The following HK2 variants were observed in gnomAD, a reference collection of about 807,000 sequenced individuals.
The protein encoded by HK2 is hexokinase-2.
HK2 carries 42 observed loss-of-function variants against 92.9 expected under a neutral mutation model. The ratio of observed to expected loss-of-function variants is 0.45; its 90% CI spans 0.35 to 0.58. HK2 has a LOEUF of 0.58. Among genes scored for constraint, HK2 ranks in the 20% least tolerant of loss-of-function variants. The pLI, the probability that HK2 is intolerant of heterozygous loss-of-function variation, is 0.00. For synonymous variants in HK2, 422 were observed against 468.0 expected (o/e 0.90, Z 1.27); for missense variants, 978 against 1,245.1 (o/e 0.79, Z 3.23).
intron 2 of HK2, among the ~76,000 whole-genome samples, chr2:74,858,063 G>T (rs2103900422): frequency 6.6e-6 from 1 of 152,296 alleles, no homozygotes; most frequent in South Asian, 2.1e-4. Context: ...CAGATCTAGA[G>T]GGAGCCAATT....
chr2:74,875,602 T>C (rs754909051), intron 7 of HK2, among the ~76,000 whole-genome samples: 1 of 152,192 alleles, frequency 6.6e-6, no homozygotes, highest in Non-Finnish European at 1.5e-5. Context: ...GTGCTGGGAT[T>C]ACAGGCGTGA....
rs1413425705 is a variant in HK2, at chr2:74,878,853, G to A, written c.1197G>A (p.Glu399=). 1 of 1,553,638 alleles carries A rather than the reference G, an allele frequency of 6.4e-7. No homozygotes were observed. The highest frequency in any genetic ancestry group is 8.7e-7 in the Non-Finnish European group (1 of 1,148,056). Residue 399 remains glutamate (E), a synonymous_variant, in exon 9 of 18, where the codon GAG becomes GAA. Coordinates refer to ENST00000290573, the MANE Select transcript of HK2 (RefSeq NM_000189.5). ...TLAAVLQRIK[E]NKGEERLRST... ...CCGCCGTGCTGCAGCGCATCAAGGA[G>A]AACAAAGGCGAGGAGCGGCTGCGCT...
rs1050991715 is a variant in HK2, at chr2:74,834,907, C to T, written c.63+264C>T. On this transcript the variant is annotated intron_variant, in intron 1 of 17. Coordinates refer to ENST00000290573, the MANE Select transcript of HK2 (RefSeq NM_000189.5). The surrounding 1 kb of genome is among the most constrained non-coding windows in gnomAD (Gnocchi z 4.2). ...GCTCCGGCACGCGCTCACGCTCTCT[C>T]CCCCAGTCCCTTTTTCCCTGTTACT... is the stretch of plus-strand genomic sequence containing the variant. Among the ~76,000 whole-genome samples the T allele has an allele frequency of 1.3e-5, 2 of 152,216 alleles. No individual in the cohort carries two copies. Among genetic ancestry groups the T allele is most frequent in the African/African-American group, 4.8e-5 (2 of 41,460 alleles).
rs561655767 is a variant in HK2 at position 74,868,243 on chromosome 2, G to T, written c.375+459G>T. On this transcript the variant is annotated intron_variant, in intron 3 of 17. Coordinates refer to ENST00000290573, the MANE Select transcript of HK2 (RefSeq NM_000189.5). The stretch of plus-strand genomic sequence containing the variant: ...CTGCTTTCCTTGTTATCATGCTGGG[G>T]TTGGAGAAGGGAGGCTGCATCCCTA... Among the ~76,000 whole-genome samples, 7 of 152,296 alleles carry T rather than the reference G, an allele frequency of 4.6e-5. No homozygotes were observed. The South Asian group carries it at 1.5e-3, about 32-fold the overall frequency.
chr2:74,882,969 C>T lies in HK2; in HGVS notation c.1839+730C>T, dbSNP rs564818173. The stretch of plus-strand genomic sequence containing the variant: ...TCTCATCTTGCTTCTCACTCCTCTT[C>T]AGGTTACCTTGGGTGAATGAAGTAG... On this transcript the variant is annotated intron_variant, in intron 12 of 17. Transcript: ENST00000290573. Among the ~76,000 whole-genome samples the T allele has an allele frequency of 3.3e-5, 5 of 152,168 alleles. No individual in the cohort carries two copies. In the East Asian group the frequency reaches 9.7e-4, roughly 30 times the overall value.
rs756691328 is a variant in HK2 at position 74,878,788 on chromosome 2, G to T, written c.1132G>T (p.Val378Leu). Residue 378 changes from valine (V) to leucine (L), a missense_variant, in exon 9 of 18, where the codon GTG becomes TTG. Val to Leu is a conservative substitution (Grantham distance 32). Transcript: ENST00000290573. ...CVATHRICQIVSTRSASLCAA... is the reference protein window; with the variant it reads ...CVATHRICQILSTRSASLCAA... ...GGCCACTCACCGGATCTGCCAGATCGTGTCCACACGCTCCGCCAGCCTGTG... is the reference window on the plus strand; with the variant it reads ...GGCCACTCACCGGATCTGCCAGATCTTGTCCACACGCTCCGCCAGCCTGTG... 1.3e-6 allele frequency: 2 copies of T among 1,569,064 alleles called. No individual in the cohort carries two copies. Among genetic ancestry groups the T allele is most frequent in the South Asian group, 1.2e-5 (1 of 85,512 alleles).
At chr2:74,862,778 C>A (rs1457487689) in intron 2 of HK2, among the ~76,000 whole-genome samples, 2 of 152,216 alleles carry the variant, frequency 1.3e-5, no homozygotes, top group African/African-American at 4.8e-5. Flanking sequence ...ACGCCTTACA[C>A]TTCCTTGCAC....
At chr2:74,845,223 T>C (rs1688408635) in intron 1 of HK2, among the ~76,000 whole-genome samples, 1 of 152,240 alleles carries the variant, frequency 6.6e-6, no homozygotes, top group Non-Finnish European at 1.5e-5. Flanking sequence ...TGTTAATGTA[T>C]CTGTCTTCTG....
intron 2 of HK2, among the ~76,000 whole-genome samples, chr2:74,856,785 G>A (rs1051317286): frequency 7.2e-5 from 11 of 152,188 alleles, no homozygotes; most frequent in African/African-American, 1.9e-4. Context: ...AATCAAGCTT[G>A]TGTAAGCCAA....
intron 12 of HK2, among the ~76,000 whole-genome samples, chr2:74,883,500 G>A (rs28363039): frequency 1.3e-5 from 2 of 152,194 alleles, no homozygotes; most frequent in Non-Finnish European, 2.9e-5. Flanking sequence ...CTGGGCCAGC[G>A]CAGAAGAGCC....
chr2:74,885,874 AC>A (rs1689517202), intron 13 of HK2, among the ~76,000 whole-genome samples: 1 of 151,756 alleles, frequency 6.6e-6, no homozygotes, highest in African/African-American at 2.4e-5. Flanking sequence ...ACACACACAC[AC>A]ACACACACAC....
intron 2 of HK2, among the ~76,000 whole-genome samples, chr2:74,866,492 C>A (rs1336152759): frequency 6.6e-6 from 1 of 152,212 alleles, no homozygotes; most frequent in Non-Finnish European, 1.5e-5. Flanking sequence ...CCCTGCCCTG[C>A]TGCAGGTTCC....
At chr2:74,873,169 C>CT (rs753086490) in intron 4 of HK2, 107 bp from the exon 5 acceptor site, 10 of 860,180 alleles carry the variant, frequency 1.2e-5, no homozygotes, top group Non-Finnish European at 1.8e-5. Context: ...TCAATCATGA[C>CT]TTTACCCCAG....
intron 5 of HK2, 94 bp downstream of exon 5, chr2:74,873,465 C>T (rs547411811): frequency 2.3e-5 from 19 of 830,876 alleles, no homozygotes; most frequent in Admixed American, 1.0e-4. Context: ...TGTTTGCTTA[C>T]GTGGAGCTTA....
chr2:74,886,526 G>T lies in HK2; in HGVS notation c.2072G>T (p.Arg691Leu). The change falls in exon 15 of 18, where the codon CGC becomes CTC. Residue 691 changes from arginine (R) to leucine (L), a missense_variant. By Grantham distance (102) the Arg-to-Leu change is moderately radical. Coordinates refer to ENST00000290573, the MANE Select transcript of HK2 (RefSeq NM_000189.5). ...GSNACYMEEM[R>L]NVELVEGEEG... is the part of the protein sequence containing the mutation. The stretch of plus-strand genomic sequence containing the variant: ...AATGCCTGCTACATGGAGGAGATGC[G>T]CAACGTGGAACTGGTGGAAGGAGAA... 6.2e-7 allele frequency: 1 copy of T among 1,613,982 alleles called. No individual in the cohort carries two copies.
chr2:74,834,462 C>T lies in HK2; in HGVS notation c.-119C>T, dbSNP rs1388573664. On this transcript the variant is annotated 5_prime_UTR_variant, in exon 1 of 18. Coordinates refer to ENST00000290573, the MANE Select transcript of HK2 (RefSeq NM_000189.5). The surrounding 1 kb of genome is among the most constrained non-coding windows in gnomAD (Gnocchi z 4.2). ...TAGCCTTCTTTGTGCGCCGTCCGGA[C>T]TCCCAGCTCCCGGCCCGGCAGCCGA... The T allele has an allele frequency of 8.0e-6, 8 of 997,076 alleles. No homozygotes were observed. The highest frequency in any genetic ancestry group is 5.7e-5 in the Admixed American group (3 of 52,432). The allele number at this position is 997,076 out of a possible 1,614,324, so 61.8% of individuals were successfully genotyped here.
chr2:74,873,943 G>C lies in HK2; in HGVS notation c.691G>C (p.Gly231Arg). ...CAACTGTGAGATTGGTCTCATTGTG[G>C]GTGAGTGAACACCGTGCATGAAGGG... ...DHNCEIGLIV[G>R]TGSNACYMEE... The change falls in exon 6 of 18, where the codon GGC becomes CGC. Residue 231 changes from glycine (G) to arginine (R), a missense_variant and splice_region_variant. By Grantham distance (125) the Gly-to-Arg change is moderately radical. This residue lies in a region of HK2 where 189 missense variants were observed against 289.5 expected (regional missense o/e 0.65). Transcript: ENST00000290573. 1 of 1,610,792 alleles carries C rather than the reference G, an allele frequency of 6.2e-7. No individual in the cohort carries two copies. Among genetic ancestry groups the C allele is most frequent in the Non-Finnish European group, 8.5e-7 (1 of 1,177,028 alleles).
intron 2 of HK2, among the ~76,000 whole-genome samples, chr2:74,865,047 C>T (rs999058504): frequency 2.6e-5 from 4 of 152,132 alleles, no homozygotes; most frequent in Non-Finnish European, 5.9e-5. Context: ...CGTAACCATG[C>T]GTGGGCGTTA....
At chr2:74,855,849 G>A (rs145724014) in intron 2 of HK2, among the ~76,000 whole-genome samples, 2,901 of 152,318 alleles carry the variant, frequency 0.019, 98 homozygotes, top group African/African-American at 0.067. Context: ...GGGCCCGGCT[G>A]TTGAGCCCAG....
Sources: allele counts gnomAD v4.1 joint callset (sites outside exome capture counted in the v4.1 genomes callset), GRCh38; gene constraint gnomAD v4.1.1; regional missense constraint gnomAD v4.1.1; non-coding constraint Gnocchi (gnomAD v3.1); transcripts MANE v1.5; gene names NCBI Gene and HGNC (gene_info 2026-07-23, HGNC 2026-07-21).